KIAA0930: variants seen among roughly 807,000 people sequenced by gnomAD.
KIAA0930 encodes the protein uncharacterized protein KIAA0930.
KIAA0930 carries 24 observed loss-of-function variants against 43.9 expected under a neutral mutation model. That is an observed-to-expected ratio of 0.55 (90% confidence interval 0.40 to 0.77). KIAA0930 has a LOEUF of 0.77. KIAA0930 is among the 30% of genes least tolerant of loss of function. The pLI is 0.00. For missense variants in KIAA0930, 461 were observed against 574.2 expected (o/e 0.80, Z 2.02); for synonymous variants, 259 against 216.4 (o/e 1.20, Z -1.73).
chr22:45,225,617 A>C (rs1275263473), intron 1 of KIAA0930, among the ~76,000 whole-genome samples: 1 of 152,106 alleles, frequency 6.6e-6, no homozygotes, highest in Non-Finnish European at 1.5e-5. Context: ...ACCACAGGGC[A>C]CAGGGCACAA....
At chr22:45,212,488 C>G in intron 1 of KIAA0930, 8 of 1,434,946 alleles carry the variant, frequency 5.6e-6, no homozygotes, top group Non-Finnish European at 7.3e-6. Context: ...TGGGGGGGAG[C>G]CTTTGGAGAG....
intron 2 of KIAA0930, chr22:45,211,323 CA>C (rs1418598631): frequency 5.0e-6 from 2 of 398,456 alleles, no homozygotes; most frequent in Non-Finnish European, 8.8e-6. Flanking sequence ...TTGTGAAAAA[CA>C]GAGAAGGAAG....
rs1299234689 is a variant in KIAA0930, at chr22:45,203,277, C to A, written c.658-93G>T. On this transcript the variant is annotated intron_variant, in intron 6 of 9. Coordinates refer to ENST00000336156, the MANE Select transcript of KIAA0930 (RefSeq NM_001009880.2). Reference sequence around the variant, plus strand: ...ACATGAACAGCCAGGGCGACCATCCCTCAAGGAGCGGGGGCTGCCCGGGAG... The same window carrying A: ...ACATGAACAGCCAGGGCGACCATCCATCAAGGAGCGGGGGCTGCCCGGGAG... 10 of 1,332,966 alleles carry A rather than the reference C, an allele frequency of 7.5e-6. No homozygotes were observed. The East Asian group carries it at 2.1e-4, about 29-fold the overall frequency. 82.6% of individuals were successfully genotyped at this position (1,332,966 alleles called of 1,614,324 possible).
rs1321108954 is a variant in KIAA0930 at position 45,205,826 on chromosome 22, C to T, written c.303G>A (p.Glu101=). The change falls in exon 3 of 10, where the codon GAG becomes GAA. Residue 101 remains glutamate (E), a synonymous_variant. Transcript: ENST00000336156. The stretch of plus-strand genomic sequence containing the variant: ...GGATGAGATTCAGGCAGACGCTCTC[C>T]TCCCAGTCGATGTCAGGGTCTCCCA... ...PGLGDPDIDW[E]ESVCLNLILQ... 1 of 1,610,860 alleles carries T rather than the reference C, an allele frequency of 6.2e-7. No homozygotes were observed. Among genetic ancestry groups the T allele is most frequent in the Non-Finnish European group, 8.5e-7 (1 of 1,178,780 alleles).
chr22:45,223,371 G>A (rs900333067), intron 1 of KIAA0930, among the ~76,000 whole-genome samples: 1 of 152,218 alleles, frequency 6.6e-6, no homozygotes, highest in Non-Finnish European at 1.5e-5. Flanking sequence ...GGAAGAGAAG[G>A]GAGGTGAGGA....
chr22:45,227,652 A>T (rs540524753), intron 1 of KIAA0930, among the ~76,000 whole-genome samples: 1 of 152,124 alleles, frequency 6.6e-6, no homozygotes, highest in African/African-American at 2.4e-5. Flanking sequence ...TGCCAATACA[A>T]TACTGGAGGA....
chr22:45,202,799 G>C, intron 7 of KIAA0930, 191 bp downstream of exon 7: 2 of 532,228 alleles, frequency 3.8e-6, no homozygotes, highest in Non-Finnish European at 6.5e-6. Context: ...CTGCGGCAGT[G>C]CCTCCTACAA....
chr22:45,198,894 A>G (rs1360867726), intron 8 of KIAA0930, among the ~76,000 whole-genome samples: 1 of 151,950 alleles, frequency 6.6e-6, no homozygotes, highest in Non-Finnish European at 1.5e-5. Flanking sequence ...CAGGTGATCC[A>G]CCCGCCTCGG....
At chr22:45,199,799 T>C in intron 8 of KIAA0930, 74 bp downstream of exon 8, 1 of 1,318,454 alleles carries the variant, frequency 7.6e-7, no homozygotes, top group Non-Finnish European at 1.0e-6. Context: ...AATGAATAAA[T>C]GAATGAATGA....
intron 1 of KIAA0930, among the ~76,000 whole-genome samples, chr22:45,228,538 G>A (rs2083817284): frequency 6.6e-6 from 1 of 152,164 alleles, no homozygotes; most frequent in South Asian, 2.1e-4. Context: ...GAGGCCTACA[G>A]TGACTTCCCA....
At chr22:45,198,358 T>C (rs1309684066) in intron 8 of KIAA0930, among the ~76,000 whole-genome samples, 1 of 152,188 alleles carries the variant, frequency 6.6e-6, no homozygotes, top group Non-Finnish European at 1.5e-5. Context: ...AGTCCTGCGG[T>C]CCAGGCTGGG....
chr22:45,235,128 A>G (rs1185734559), intron 1 of KIAA0930: 2 of 152,304 alleles, frequency 1.3e-5, no homozygotes, highest in Admixed American at 6.5e-5. Context: ...TGAAGGAGGC[A>G]AGGAGACCCA....
At chr22:45,210,242 C>T in intron 2 of KIAA0930, among the ~76,000 whole-genome samples, 1 of 151,868 alleles carries the variant, frequency 6.6e-6, no homozygotes, top group Non-Finnish European at 1.5e-5. Context: ...TGAACTCCAG[C>T]AGAAGCTGAG....
intron 2 of KIAA0930, among the ~76,000 whole-genome samples, chr22:45,209,179 G>A (rs760028202): frequency 3.9e-5 from 6 of 152,220 alleles, no homozygotes; most frequent in Non-Finnish European, 5.9e-5. Flanking sequence ...CAGGAGGCCC[G>A]GCTGGTTGCT....
chr22:45,216,091 G>A (rs1319259097), intron 1 of KIAA0930, among the ~76,000 whole-genome samples: 1 of 152,148 alleles, frequency 6.6e-6, no homozygotes, highest in African/African-American at 2.4e-5. Flanking sequence ...TCTCTTCAGA[G>A]GGAGGAAGGG....
At chr22:45,201,607 C>T (rs533290535) in intron 7 of KIAA0930, among the ~76,000 whole-genome samples, 1 of 152,326 alleles carries the variant, frequency 6.6e-6, no homozygotes, top group East Asian at 1.9e-4. Context: ...GGCCCTTTAT[C>T]TCGGAAACAA....
rs549322189 is a variant in KIAA0930 at position 45,240,342 on chromosome 22, CGAA to C, written c.64+295_64+297del. Among the ~76,000 whole-genome samples, 498 of 152,286 alleles carry C rather than the reference CGAA, an allele frequency of 3.3e-3. 1 individual carries two copies. The highest frequency in any genetic ancestry group is 0.011 in the African/African-American group (458 of 41,554). ...AGAAGGAAGAAGACCCGCAGAGACA[CGAA>C]GAAGAAGGAGGAAGATGAGACAGAC... On this transcript the variant is annotated intron_variant, in intron 1 of 9. Coordinates refer to ENST00000336156, the MANE Select transcript of KIAA0930 (RefSeq NM_001009880.2).
In KIAA0930 at chr22:45,196,920, G is replaced by T. The variant is rs970806634; in HGVS notation, c.*256C>A. 2.1e-6 allele frequency: 1 copy of T among 468,432 alleles called. No homozygotes were observed. Among genetic ancestry groups the T allele is most frequent in the South Asian group, 3.5e-5 (1 of 28,810 alleles). The allele number at this position is 468,432 out of a possible 1,614,324, so 29.0% of individuals were successfully genotyped here. On this transcript the variant is annotated 3_prime_UTR_variant, in exon 10 of 10. Coordinates refer to ENST00000336156, the MANE Select transcript of KIAA0930 (RefSeq NM_001009880.2). This position sits in a 1 kb window ranked among gnomAD's most constrained non-coding sequence, Gnocchi z 4.1. ...CTCTAGTCCTCTTTGGGTGCAGAGG[G>T]CTCTCCAGAGATGGGTGGGGGGCGA...
Position 45,203,925 on chromosome 22 carries a change from C to T in KIAA0930, c.577G>A (p.Asp193Asn). ...ACCCCCTGGAACGTGTTGGTTTTGT[C>T]ACTAGCCACCAGCTCCACACAGACC... ...EMVCVELVAS[D>N]KTNTFQGVIF... Residue 193 changes from aspartate (D) to asparagine (N), a missense_variant, in exon 6 of 10, where the codon GAC (aspartate) becomes AAC (asparagine). Coordinates refer to ENST00000336156, the MANE Select transcript of KIAA0930 (RefSeq NM_001009880.2). 6.2e-7 allele frequency: 1 copy of T among 1,613,862 alleles called. No homozygotes were observed. Among genetic ancestry groups the T allele is most frequent in the Non-Finnish European group, 8.5e-7 (1 of 1,179,920 alleles).
Sources: allele counts gnomAD v4.1 joint callset (sites outside exome capture counted in the v4.1 genomes callset), GRCh38; gene constraint gnomAD v4.1.1; non-coding constraint Gnocchi (gnomAD v3.1); transcripts MANE v1.5; gene names NCBI Gene and HGNC (gene_info 2026-07-23, HGNC 2026-07-21).